ADGRL3: variants seen among roughly 807,000 people sequenced by gnomAD.
The protein encoded by ADGRL3 is adhesion G protein-coupled receptor L3, also known as calcium-independent alpha-latrotoxin receptor 3.
Under a neutral mutation model 153.5 loss-of-function variants are expected in ADGRL3, and 62 were observed. The observed-to-expected ratio is 0.40, with a 90% CI of 0.33 to 0.50. The LOEUF (loss-of-function observed/expected upper bound fraction) is 0.50. Among genes scored for constraint, ADGRL3 ranks in the 20% least tolerant of loss-of-function variants. The probability of loss-of-function intolerance (pLI) is 0.47; values close to 1 mark genes in which losing one functional copy is unlikely to be tolerated. For synonymous variants in ADGRL3, 710 were observed against 672.5 expected (o/e 1.06, Z -0.86); for missense variants, 1,641 against 1,859.4 (o/e 0.88, Z 2.16).
intron 1 of ADGRL3, among the ~76,000 whole-genome samples, chr4:61,259,162 C>T (rs911295450): frequency 4.6e-5 from 7 of 152,138 alleles, no homozygotes; most frequent in Middle Eastern, 3.2e-3. Context: ...CGGTGGCTAA[C>T]GCCTGTAATC....
At chr4:61,601,876 G>T (rs1477647113) in intron 5 of ADGRL3, among the ~76,000 whole-genome samples, 1 of 152,064 alleles carries the variant, frequency 6.6e-6, no homozygotes, top group Non-Finnish European at 1.5e-5. Flanking sequence ...CTATACTTAG[G>T]TATTTCCATC....
chr4:61,750,172 A>C (rs2152044772), intron 8 of ADGRL3, among the ~76,000 whole-genome samples: 1 of 129,986 alleles, frequency 7.7e-6, no homozygotes, highest in Admixed American at 8.9e-5. Context: ...GAAAGAAAAA[A>C]GGGGATGGTT....
intron 5 of ADGRL3, among the ~76,000 whole-genome samples, chr4:61,636,100 A>G (rs539474111): frequency 2.0e-5 from 3 of 152,218 alleles, no homozygotes; most frequent in African/African-American, 7.2e-5. Context: ...ACCCCTATCG[A>G]AACTACACAC....
intron 11 of ADGRL3, among the ~76,000 whole-genome samples, chr4:61,900,509 A>ACTAG (rs1394648402): frequency 6.6e-6 from 1 of 152,208 alleles, no homozygotes; most frequent in Non-Finnish European, 1.5e-5. Flanking sequence ...TTGCGAATAA[A>ACTAG]CTAGCTGGAA....
intron 1 of ADGRL3, among the ~76,000 whole-genome samples, chr4:61,313,385 T>A (rs967317934): frequency 1.3e-5 from 2 of 152,188 alleles, no homozygotes; most frequent in Non-Finnish European, 2.9e-5. Flanking sequence ...ATTTAAACTA[T>A]GGCCCTTAGT....
chr4:62,011,792 T>G (rs1314714882), intron 21 of ADGRL3, among the ~76,000 whole-genome samples: 1 of 152,108 alleles, frequency 6.6e-6, no homozygotes, highest in Non-Finnish European at 1.5e-5. Flanking sequence ...TTACTTAAAG[T>G]CAAAGTTCTT....
chr4:61,266,208 A>G (rs1194665333), intron 1 of ADGRL3, among the ~76,000 whole-genome samples: 1 of 151,698 alleles, frequency 6.6e-6, no homozygotes. Flanking sequence ...ATTATATCCT[A>G]AGGGTCCGTA....
At chr4:61,407,001 C>A (rs184543644) in intron 2 of ADGRL3, among the ~76,000 whole-genome samples, 1 of 151,968 alleles carries the variant, frequency 6.6e-6, no homozygotes, top group South Asian at 2.1e-4. Context: ...ATTATGGATA[C>A]GATTAACTTA....
In ADGRL3 at chr4:61,683,960, T is replaced by C. The variant is rs540510204; in HGVS notation, c.583+7025T>C. 7.9e-4 allele frequency among the ~76,000 whole-genome samples: 121 copies of C among 152,256 alleles called. No homozygotes were observed. In the South Asian group the frequency reaches 8.1e-3, roughly 10 times the overall value. On this transcript the variant is annotated intron_variant, in intron 6 of 26. Transcript: ENST00000683033. ...TGAGTCTTAAAATATGAATAGACTT[T>C]CCTGAGAGAAGAAGGGCAATCATTT...
At chr4:61,598,715 TA>T (rs2098999244) in intron 5 of ADGRL3, among the ~76,000 whole-genome samples, 1 of 152,186 alleles carries the variant, frequency 6.6e-6, no homozygotes, top group African/African-American at 2.4e-5. Context: ...ATATGACATA[TA>T]TTTGTAAAAT....
At chr4:61,492,392 T>C (rs896577818) in intron 2 of ADGRL3, among the ~76,000 whole-genome samples, 1 of 152,260 alleles carries the variant, frequency 6.6e-6, no homozygotes, top group Admixed American at 6.5e-5. Flanking sequence ...ATATTCAGTA[T>C]ACTTTGGGGA....
chr4:61,978,229 T>A (rs1272281063), intron 17 of ADGRL3, among the ~76,000 whole-genome samples: 1 of 152,130 alleles, frequency 6.6e-6, no homozygotes, highest in African/African-American at 2.4e-5. Context: ...ATGTTTATAC[T>A]TTTACCAATT....
In ADGRL3 at chr4:61,774,983, C is replaced by T. The variant is rs1235235109; in HGVS notation, c.1400-38826C>T. Among the ~76,000 whole-genome samples the T allele has an allele frequency of 2.6e-5, 4 of 152,208 alleles. No individual in the cohort carries two copies. The East Asian group carries it at 7.8e-4, about 29-fold the overall frequency. The stretch of plus-strand genomic sequence containing the variant: ...CAGGCTGATAAAGGTTTAAAGTTGT[C>T]TCTGGTGATTAACTTCTATTTTTCC... On this transcript the variant is annotated intron_variant, in intron 8 of 26. Transcript: ENST00000683033.
At chr4:61,895,330 G>A (rs981111708) in intron 10 of ADGRL3, among the ~76,000 whole-genome samples, 2 of 152,132 alleles carry the variant, frequency 1.3e-5, no homozygotes, top group Admixed American at 1.3e-4. Context: ...GCCGGGTGTG[G>A]TGGGGGATGC....
intron 5 of ADGRL3, among the ~76,000 whole-genome samples, chr4:61,635,085 C>T (rs1006604279): frequency 1.3e-5 from 2 of 152,090 alleles, no homozygotes; most frequent in Admixed American, 1.3e-4. Flanking sequence ...AAAGAAGGGC[C>T]TTTGCATTCT....
intron 6 of ADGRL3, among the ~76,000 whole-genome samples, chr4:61,694,322 G>C (rs1166419208): frequency 6.7e-6 from 1 of 149,634 alleles, no homozygotes; most frequent in African/African-American, 2.5e-5. Context: ...CATGCTCCTG[G>C]CCCCAGTCCT....
chr4:61,249,292 A>G (rs1386335232), intron 1 of ADGRL3, among the ~76,000 whole-genome samples: 4 of 152,174 alleles, frequency 2.6e-5, no homozygotes, highest in African/African-American at 9.7e-5. Context: ...AACAGTGTTT[A>G]TCAGAAAACC....
chr4:61,436,583 C>T (rs1239370520), intron 2 of ADGRL3, among the ~76,000 whole-genome samples: 2 of 152,232 alleles, frequency 1.3e-5, no homozygotes, highest in Middle Eastern at 3.4e-3. Context: ...GCAATGAAAT[C>T]TGCCAAAGTT....
intron 5 of ADGRL3, among the ~76,000 whole-genome samples, chr4:61,658,378 A>C (rs2094499434): frequency 6.6e-6 from 1 of 152,098 alleles, no homozygotes; most frequent in African/African-American, 2.4e-5. Flanking sequence ...GATTCCATAT[A>C]ATCAGCTATA....
Sources: allele counts gnomAD v4.1 joint callset (sites outside exome capture counted in the v4.1 genomes callset), GRCh38; gene constraint gnomAD v4.1.1; transcripts MANE v1.5; gene names NCBI Gene and HGNC (gene_info 2026-07-23, HGNC 2026-07-21).